AGXT: variants seen among roughly 807,000 people sequenced by gnomAD.
AGXT encodes L-alanine: glyoxylate aminotransferase 1.
AGXT carries 41 observed loss-of-function variants against 46.9 expected under a neutral mutation model. That is an observed-to-expected ratio of 0.88 (90% CI 0.68 to 1.14). The LOEUF (loss-of-function observed/expected upper bound fraction) is 1.14, where lower values mean the gene tolerates loss of function less well. Ranked by LOEUF, AGXT falls within the 50% of genes most tolerant of loss-of-function variation. The pLI is 0.00. For synonymous variants in AGXT, 244 were observed against 227.9 expected (o/e 1.07, Z -0.64); for missense variants, 525 against 522.7 (o/e 1.00, Z -0.04).
At position 240,878,916 on chromosome 2, in the gene AGXT, C is replaced by A. The variant is rs764063414; in HGVS notation, c.*95C>A. ...AACAGACCCTGCAAGGTCCTCCAGGCCTGGGGACAGGAAAGCCACTGACCC... is the reference window on the plus strand; with the variant it reads ...AACAGACCCTGCAAGGTCCTCCAGGACTGGGGACAGGAAAGCCACTGACCC... On this transcript the variant is annotated 3_prime_UTR_variant, in exon 11 of 11. Transcript: ENST00000307503. 3 of 1,312,340 alleles carry A rather than the reference C, an allele frequency of 2.3e-6. No individual in the cohort carries two copies. The highest frequency in any genetic ancestry group is 3.2e-6 in the Non-Finnish European group (3 of 941,046). 81.3% of individuals were successfully genotyped at this position (1,312,340 alleles called of 1,614,324 possible).
chr2:240,873,146 T>C (rs1184343136), intron 5 of AGXT, 97 bp downstream of exon 5: 4 of 1,124,854 alleles, frequency 3.6e-6, no homozygotes, highest in Non-Finnish European at 5.3e-6. Flanking sequence ...CAGCCGATGC[T>C]GCGGATTCGG....
intron 9 of AGXT, 55 bp from the exon 10 acceptor site, chr2:240,877,967 A>G (rs2059036740): frequency 2.5e-6 from 4 of 1,600,032 alleles, no homozygotes; most frequent in Admixed American, 3.3e-5. Flanking sequence ...AAGAGCTGTC[A>G]CAAAGGCCCG....
rs34116584 is a variant in AGXT, at chr2:240,868,897, C to A, written c.32C>A (p.Pro11His). Reference sequence around the variant, plus strand: ...TCTCACAAGCTGCTGGTGACCCCCCCCAAGGCCCTGCTCAAGCCCCTCTCC... The same window carrying A: ...TCTCACAAGCTGCTGGTGACCCCCCACAAGGCCCTGCTCAAGCCCCTCTCC... MASHKLLVTP[P>H]KALLKPLSIP... The change falls in exon 1 of 11, where the codon CCC (proline) becomes CAC (histidine). Residue 11 changes from proline (P) to histidine (H), a missense_variant. Physicochemically the swap from Pro to His is moderately conservative, Grantham distance 77. Transcript: ENST00000307503. 938 of 1,612,894 alleles carry A rather than the reference C, an allele frequency of 5.8e-4. 3 individuals carry two copies. The highest frequency in any genetic ancestry group is 7.4e-4 in the East Asian group (33 of 44,862).
Position 240,876,140 on chromosome 2 carries a change from G to A in AGXT, c.846+136G>A, listed in dbSNP as rs1382228058. On this transcript the variant is annotated intron_variant, in intron 8 of 10. Coordinates refer to ENST00000307503, the MANE Select transcript of AGXT (RefSeq NM_000030.3). ...AGAGAGAGGCCCTCAGTGGGGGTGG[G>A]GGAGAGAGGACAGGGCCCCGGGTAC... 4 of 1,097,388 alleles carry A rather than the reference G, an allele frequency of 3.6e-6. No individual in the cohort carries two copies. In the Admixed American group the frequency reaches 6.0e-5, roughly 16 times the overall value. The allele number at this position is 1,097,388 out of a possible 1,614,324, so 68.0% of individuals were successfully genotyped here.
rs1451155079 is a variant in AGXT at position 240,875,036 on chromosome 2, A to G, written c.681-73A>G. 3.0e-6 allele frequency: 4 copies of G among 1,346,046 alleles called. No homozygotes were observed. In the African/African-American group the frequency reaches 4.3e-5, roughly 15 times the overall value. 83.4% of individuals were successfully genotyped at this position (1,346,046 alleles called of 1,614,324 possible). A position where few individuals can be genotyped will look rare whatever the true frequency, so the allele number is the denominator to read the frequency against. ...CCCCGTCTCACTCCCGTGAAACAGG[A>G]CAGCCAGCGAGACTGCCCTGGCCTT... On this transcript the variant is annotated intron_variant, in intron 6 of 10. Transcript: ENST00000307503.
chr2:240,877,596 G>T lies in AGXT; in HGVS notation c.906G>T (p.Leu302=). 1 of 1,550,966 alleles carries T rather than the reference G, an allele frequency of 6.4e-7. No individual in the cohort carries two copies. Among genetic ancestry groups the T allele is most frequent in the East Asian group, 2.4e-5 (1 of 40,964 alleles). ...REAAAYLHGR[L]QALGLQLFVK... is the part of the protein sequence containing the mutation. ...CCGCGGCGTATCTGCATGGGCGCCT[G>T]CAGGCACTGGGGCTGCAGCTCTTCG... Residue 302 remains leucine (L), a synonymous_variant, in exon 9 of 11, where the codon CTG becomes CTT. Coordinates refer to ENST00000307503, the MANE Select transcript of AGXT (RefSeq NM_000030.3).
chr2:240,870,400 G>A (rs2058984755), intron 2 of AGXT, among the ~76,000 whole-genome samples: 2 of 152,198 alleles, frequency 1.3e-5, no homozygotes, highest in African/African-American at 4.8e-5. Flanking sequence ...TTTGAGCTGA[G>A]CTCTGTCAAG....
Position 240,879,099 on chromosome 2 carries a change from G to C in AGXT, c.*278G>C. On this transcript the variant is annotated 3_prime_UTR_variant, in exon 11 of 11. Coordinates refer to ENST00000307503, the MANE Select transcript of AGXT (RefSeq NM_000030.3). ...GAGCCTCCCGGGAATGTTTAATAAA[G>C]GGCCTGGCCAACTCTCCTCACTGTG... 1.8e-6 allele frequency: 1 copy of C among 561,284 alleles called. No individual in the cohort carries two copies. The highest frequency in any genetic ancestry group is 3.2e-6 in the Non-Finnish European group (1 of 311,582). The allele number at this position is 561,284 out of a possible 1,614,324, so 34.8% of individuals were successfully genotyped here.
Position 240,870,647 on chromosome 2 carries a change from C to T in AGXT, c.362C>T (p.Ala121Val). ...GCCCACTCTGTCCTGCACCCAGGAG[C>T]CCGAGTGCACCCGATGACCAAGGAC... ...RAVDIGERIG[A>V]RVHPMTKDPG... Residue 121 changes from alanine to valine, a missense_variant, in exon 3 of 11, where the codon GCC (alanine) becomes GTC (valine). Physicochemically the swap from Ala to Val is moderately conservative, Grantham distance 64 (BLOSUM62 0). Transcript: ENST00000307503. The T allele has an allele frequency of 1.3e-6, 2 of 1,552,316 alleles. No homozygotes were observed. The highest frequency in any genetic ancestry group is 1.7e-6 in the Non-Finnish European group (2 of 1,147,804).
chr2:240,875,904 G>T (rs1477027343), intron 7 of AGXT, 31 bp from the exon 8 acceptor site: 1 of 1,612,752 alleles, frequency 6.2e-7, no homozygotes, highest in South Asian at 1.1e-5. Context: ...CCTGCCCATG[G>T]TGCTGGACCA....
chr2:240,871,304 C>A (rs1461541047), intron 3 of AGXT, 45 bp from the exon 4 acceptor site: 1 of 1,517,014 alleles, frequency 6.6e-7, no homozygotes. Context: ...GTGTTCTGGC[C>A]CCTGCCCCTC....
chr2:240,875,813 C>A, intron 7 of AGXT, 122 bp from the exon 8 acceptor site: 1 of 1,097,234 alleles, frequency 9.1e-7, no homozygotes, highest in Non-Finnish European at 1.4e-6. Flanking sequence ...GACTCCTCTG[C>A]GGAGGATACC....
At chr2:240,875,849 G>C in intron 7 of AGXT, 86 bp from the exon 8 acceptor site, 1 of 1,425,304 alleles carries the variant, frequency 7.0e-7, no homozygotes, top group Non-Finnish European at 9.9e-7. Flanking sequence ...AGCCTGTGCT[G>C]TTGGGGCTGG....
At chr2:240,872,172 G>A (rs370670520) in intron 4 of AGXT, among the ~76,000 whole-genome samples, 15 of 151,748 alleles carry the variant, frequency 9.9e-5, no homozygotes, top group East Asian at 3.9e-4. Context: ...ACATGGAGGC[G>A]GAGGAGGGTG....
At chr2:240,877,879 G>T in intron 9 of AGXT, 143 bp from the exon 10 acceptor site, 1 of 1,199,098 alleles carries the variant, frequency 8.3e-7, no homozygotes, top group Non-Finnish European at 1.2e-6. Context: ...CCTCCTAAGG[G>T]GTGGGGTCCC....
rs1379479490 is a variant in AGXT at position 240,870,726 on chromosome 2, G to A, written c.423+18G>A. On this transcript the variant is annotated intron_variant, in intron 3 of 10. Transcript: ENST00000307503. ...TGGAGGAGGTAGGGGACCCGGGGTG[G>A]GGGTCAGGGCCGGGAGGAGGTGGGA... is the stretch of plus-strand genomic sequence containing the variant. The A allele has an allele frequency of 6.4e-7, 1 of 1,552,578 alleles. No individual in the cohort carries two copies. Among genetic ancestry groups the A allele is most frequent in the African/African-American group, 1.4e-5 (1 of 73,380 alleles).
rs539526318 is a variant in AGXT at position 240,879,381 on chromosome 2, G to A, written c.*560G>A. 4.7e-4 allele frequency: 81 copies of A among 171,852 alleles called. No individual in the cohort carries two copies. The highest frequency in any genetic ancestry group is 2.6e-3 in the Middle Eastern group (1 of 378). 10.6% of individuals were successfully genotyped at this position (171,852 alleles called of 1,614,324 possible). A position where few individuals can be genotyped will look rare whatever the true frequency, so the allele number is the denominator to read the frequency against. On this transcript the variant is annotated 3_prime_UTR_variant, in exon 11 of 11. Coordinates refer to ENST00000307503, the MANE Select transcript of AGXT (RefSeq NM_000030.3). ...CAAGGGTACCTGCGTGCTGGAGAGC[G>A]CACAGCCAGGACCTGAGCCCATGAC...
At chr2:240,869,682 T>C (rs2058980930) in intron 2 of AGXT, among the ~76,000 whole-genome samples, 1 of 151,832 alleles carries the variant, frequency 6.6e-6, no homozygotes, top group African/African-American at 2.4e-5. Flanking sequence ...CCCCGGCCGC[T>C]GTCCAGGGCC....
chr2:240,873,334 G>T (rs2059001897), intron 5 of AGXT: 3 of 447,752 alleles, frequency 6.7e-6, no homozygotes, highest in Non-Finnish European at 1.2e-5. Context: ...AGCAGAAGCA[G>T]TGGGAAGAGG....
Sources: allele counts gnomAD v4.1 joint callset (sites outside exome capture counted in the v4.1 genomes callset), GRCh38; gene constraint gnomAD v4.1.1; transcripts MANE v1.5; gene names NCBI Gene and HGNC (gene_info 2026-07-23, HGNC 2026-07-21).